Variants in MAP3K13 observed in about 807,000 individuals in gnomAD.
MAP3K13 encodes leucine zipper-bearing kinase.
In MAP3K13, 52 loss-of-function variants were observed where a neutral mutation model predicts 104.0. That is an observed-to-expected ratio of 0.50 (90% CI 0.40 to 0.63). The LOEUF is 0.63. Ranked by LOEUF, MAP3K13 falls within the 20% of genes least tolerant of loss-of-function variation. MAP3K13 has a pLI of 0.00. For synonymous variants in MAP3K13, 394 were observed against 442.2 expected, an observed-to-expected ratio of 0.89 and a Z score of 1.37; for missense variants, 914 against 1,218.5, an observed-to-expected ratio of 0.75 and a Z score of 3.72.
intron 2 of MAP3K13, among the ~76,000 whole-genome samples, chr3:185,330,564 G>A (rs1330656008): frequency 6.6e-6 from 1 of 152,146 alleles, no homozygotes; most frequent in Non-Finnish European, 1.5e-5. Flanking sequence ...TTGAGGAGAA[G>A]GAGTGGAGGG....
At chr3:185,310,293 T>C (rs575208473) in intron 2 of MAP3K13, among the ~76,000 whole-genome samples, 39 of 152,340 alleles carry the variant, frequency 2.6e-4, no homozygotes, top group Non-Finnish European at 3.7e-4. Context: ...TTTCCAGGAA[T>C]AACTATTCTT....
intron 2 of MAP3K13, among the ~76,000 whole-genome samples, chr3:185,431,963 C>G (rs1209958694): frequency 6.6e-6 from 1 of 152,076 alleles, no homozygotes; most frequent in East Asian, 1.9e-4. Context: ...ATCTCTCTCT[C>G]TCTCTCTTTC....
At chr3:185,368,496 A>C (rs569527606) in intron 1 of MAP3K13, among the ~76,000 whole-genome samples, 1 of 152,340 alleles carries the variant, frequency 6.6e-6, no homozygotes, top group South Asian at 2.1e-4. Flanking sequence ...GTGTTGGCAC[A>C]GCAGGTGCAG....
intron 1 of MAP3K13, among the ~76,000 whole-genome samples, chr3:185,365,208 A>G (rs1454409557): frequency 2.0e-5 from 3 of 152,192 alleles, no homozygotes; most frequent in Non-Finnish European, 2.9e-5. Context: ...ATTCTACATT[A>G]TATTTATCTT....
intron 11 of MAP3K13, among the ~76,000 whole-genome samples, chr3:185,474,814 TGGCCA>T (rs1220472958): frequency 1.3e-5 from 2 of 152,002 alleles, no homozygotes. Flanking sequence ...GCCAGGCTCT[TGGCCA>T]GGCACGGTGG....
intron 1 of MAP3K13, among the ~76,000 whole-genome samples, chr3:185,375,105 G>A (rs1306837343): frequency 1.3e-5 from 2 of 152,090 alleles, no homozygotes; most frequent in Non-Finnish European, 2.9e-5. Flanking sequence ...ACTAGTAAAG[G>A]CTGGTCCATT....
Position 185,422,010 on chromosome 3 carries a change from G to A in MAP3K13, c.-85-6487G>A, listed in dbSNP as rs549710190. ...GATATTCTTGGTGAGCATGAGGGAA[G>A]CCTATTTGACTACACATCTTTATAC... On this transcript the variant is annotated intron_variant, in intron 1 of 13. Transcript: ENST00000265026. 9.6e-4 allele frequency among the ~76,000 whole-genome samples: 146 copies of A among 152,280 alleles called. No individual in the cohort carries two copies. In the South Asian group the frequency reaches 0.015, roughly 16 times the overall value.
intron 2 of MAP3K13, among the ~76,000 whole-genome samples, chr3:185,316,584 T>C (rs1177296833): frequency 6.6e-6 from 1 of 152,158 alleles, no homozygotes; most frequent in Admixed American, 6.6e-5. Context: ...GAAGTTGCAG[T>C]GAGCCAAGAT....
At chr3:185,356,661 G>A (rs61191949) in intron 2 of MAP3K13, among the ~76,000 whole-genome samples, 31 of 152,322 alleles carry the variant, frequency 2.0e-4, no homozygotes, top group African/African-American at 7.5e-4. Flanking sequence ...GGATGACTCA[G>A]ATTATGCTTA....
At chr3:185,448,025 CT>C (rs1715688016) in intron 5 of MAP3K13, 78 bp downstream of exon 5, 3 of 1,427,958 alleles carry the variant, frequency 2.1e-6, no homozygotes, top group Admixed American at 1.9e-5. Flanking sequence ...TCCTTCAGCA[CT>C]TACTTTTCCA....
intron 2 of MAP3K13, among the ~76,000 whole-genome samples, chr3:185,336,366 A>G (rs1038772340): frequency 4.0e-5 from 6 of 151,862 alleles, no homozygotes; most frequent in Non-Finnish European, 7.4e-5. Flanking sequence ...ACATGGTGAA[A>G]CCCCATCTCT....
chr3:185,348,785 C>CG (rs1730958584), intron 2 of MAP3K13, among the ~76,000 whole-genome samples: 1 of 152,046 alleles, frequency 6.6e-6, no homozygotes, highest in African/African-American at 2.4e-5. Flanking sequence ...GGCGTGGTGG[C>CG]GGGCGCCTGT....
chr3:185,331,203 C>G (rs1453976308), intron 2 of MAP3K13, among the ~76,000 whole-genome samples: 2 of 144,400 alleles, frequency 1.4e-5, no homozygotes, highest in African/African-American at 2.5e-5. Context: ...AAGCGATTCT[C>G]CTGCCTCAGC....
At chr3:185,462,387 A>G (rs1007011403) in intron 7 of MAP3K13, among the ~76,000 whole-genome samples, 9 of 152,134 alleles carry the variant, frequency 5.9e-5, no homozygotes, top group Non-Finnish European at 1.0e-4. Flanking sequence ...CTGCCTTCCT[A>G]AAATTCTTGG....
At chr3:185,303,134 T>C (rs1721166451) in intron 2 of MAP3K13, among the ~76,000 whole-genome samples, 1 of 152,238 alleles carries the variant, frequency 6.6e-6, no homozygotes, top group Non-Finnish European at 1.5e-5. Context: ...GTATATTATA[T>C]TGATTGATTT....
chr3:185,462,785 A>G (rs768757153), intron 7 of MAP3K13, among the ~76,000 whole-genome samples: 1 of 152,212 alleles, frequency 6.6e-6, no homozygotes, highest in Non-Finnish European at 1.5e-5. Context: ...AAATAATAAT[A>G]AATAAATAAA....
rs988249898 is a variant in MAP3K13, at chr3:185,482,720, G to A, written c.*264G>A. 1.7e-5 allele frequency: 6 copies of A among 358,850 alleles called. No individual in the cohort carries two copies. Among genetic ancestry groups the A allele is most frequent in the Non-Finnish European group, 2.5e-5 (5 of 198,464 alleles). The allele number at this position is 358,850 out of a possible 1,614,324, so 22.2% of individuals were successfully genotyped here. A position where few individuals can be genotyped will look rare whatever the true frequency, so the allele number is the denominator to read the frequency against. On this transcript the variant is annotated 3_prime_UTR_variant, in exon 14 of 14. Coordinates refer to ENST00000265026, the MANE Select transcript of MAP3K13 (RefSeq NM_004721.5). This position sits in a 1 kb window ranked among gnomAD's most constrained non-coding sequence, Gnocchi z 4.5. Reference sequence around the variant, plus strand: ...TATTTTATTGAATATTCTAGCTACTGTAACATTGATATTTATTTTTGTTTG... The same window carrying A: ...TATTTTATTGAATATTCTAGCTACTATAACATTGATATTTATTTTTGTTTG...
intron 1 of MAP3K13, chr3:185,285,498 A>C: frequency 1.3e-6 from 1 of 796,646 alleles, no homozygotes; most frequent in Non-Finnish European, 2.0e-6. Context: ...CTGTACATTG[A>C]CATTCTTGAG....
At chr3:185,357,500 TG>T (rs1723419183) in intron 2 of MAP3K13, among the ~76,000 whole-genome samples, 1 of 151,004 alleles carries the variant, frequency 6.6e-6, no homozygotes, top group Non-Finnish European at 1.5e-5. Flanking sequence ...GAAAGTAGTA[TG>T]AATTCTATGT....
Sources: allele counts gnomAD v4.1 joint callset (sites outside exome capture counted in the v4.1 genomes callset), GRCh38; gene constraint gnomAD v4.1.1; non-coding constraint Gnocchi (gnomAD v3.1); transcripts MANE v1.5; gene names NCBI Gene and HGNC (gene_info 2026-07-23, HGNC 2026-07-21).